ASAH2: variants seen among roughly 807,000 people sequenced by gnomAD.
The protein encoded by ASAH2 is neutral ceramidase.
Under a neutral mutation model 82.9 loss-of-function variants are expected in ASAH2, and 58 were observed. The observed-to-expected ratio is 0.70, with a 90% CI of 0.57 to 0.87. The LOEUF (loss-of-function observed/expected upper bound fraction) is 0.87, where lower values mean the gene tolerates loss of function less well. ASAH2 is among the 40% of genes least tolerant of loss of function. The pLI, the probability that ASAH2 is intolerant of heterozygous loss-of-function variation, is 0.00. For synonymous variants in ASAH2, 276 were observed against 289.7 expected (o/e 0.95, Z 0.48); for missense variants, 779 against 834.0 (o/e 0.93, Z 0.81).
At chr10:50,248,399 A>G in intron 2 of ASAH2, 85 bp downstream of exon 2, 2 of 1,507,924 alleles carry the variant, frequency 1.3e-6, no homozygotes, top group Non-Finnish European at 1.8e-6. Context: ...ATCAGCAGAC[A>G]CTGTTTTTCT....
intron 4 of ASAH2, 24 bp downstream of exon 4, chr10:50,243,178 C>G (rs1352979316): frequency 5.0e-6 from 8 of 1,611,488 alleles, no homozygotes; most frequent in Non-Finnish European, 6.8e-6. Flanking sequence ...TTTCTTCATT[C>G]ATTTCTCCTC....
chr10:50,224,274 TA>T (rs1390504823), intron 7 of ASAH2, among the ~76,000 whole-genome samples: 41 of 152,304 alleles, frequency 2.7e-4, no homozygotes, highest in Non-Finnish European at 1.9e-4. Context: ...AAATGTTCAC[TA>T]CAAGAATATT....
chr10:50,210,959 G>C (rs1188099680), intron 11 of ASAH2, 55 bp from the exon 12 acceptor site: 20 of 1,602,126 alleles, frequency 1.2e-5, no homozygotes, highest in Non-Finnish European at 1.7e-5. Context: ...AAGTTAAACT[G>C]AAAGTAAATA....
chr10:50,212,655 AG>A (rs1215958272), intron 10 of ASAH2, among the ~76,000 whole-genome samples: 8 of 152,178 alleles, frequency 5.3e-5, no homozygotes, highest in Non-Finnish European at 5.9e-5. Flanking sequence ...TAATGCCACA[AG>A]AAATTGAAAA....
chr10:50,215,192 T>C (rs1266392118), intron 8 of ASAH2, among the ~76,000 whole-genome samples: 2 of 152,250 alleles, frequency 1.3e-5, no homozygotes, highest in Non-Finnish European at 2.9e-5. Context: ...AGGGTTTTTA[T>C]GGTTTTGGGT....
Position 50,236,009 on chromosome 10 carries a change from A to T in ASAH2, c.566T>A (p.Ile189Asn). The T allele has an allele frequency of 6.2e-7, 1 of 1,613,252 alleles. No individual in the cohort carries two copies. The highest frequency in any genetic ancestry group is 8.5e-7 in the Non-Finnish European group (1 of 1,179,346). The change falls in exon 5 of 21, where the codon ATC (isoleucine) becomes AAC (asparagine). Residue 189 changes from isoleucine (I) to asparagine (N), a missense_variant. Ile to Asn is a moderately radical substitution (Grantham distance 149, BLOSUM62 -3). This residue lies in a region of ASAH2 where 759 missense variants were observed against 755.2 expected (regional missense o/e 1.00). Transcript: ENST00000682911. ...TGAATGAGTGTGAGTGCCACTCAGG[A>T]TGACATTATCTCTTCTGTACAGGGA... ...YGSLYRRDNV[I>N]LSGTHTHSGP...
chr10:50,202,728 C>A, intron 16 of ASAH2, 101 bp downstream of exon 16: 1 of 860,420 alleles, frequency 1.2e-6, no homozygotes, highest in Non-Finnish European at 2.0e-6. Context: ...AATCATCTCT[C>A]AGAAACATGA....
At chr10:50,205,105 G>A (rs1438459321) in intron 13 of ASAH2, 150 bp from the exon 14 acceptor site, 1 of 585,416 alleles carries the variant, frequency 1.7e-6, no homozygotes, top group South Asian at 2.7e-5. Context: ...GTCATAACAT[G>A]AGAATTTCAA....
rs61735432 is a variant in ASAH2 at position 50,199,108 on chromosome 10, C to T, written c.1800G>A (p.Pro600=). The T allele has an allele frequency of 1.4e-3, 2,296 of 1,613,254 alleles. 33 individuals are homozygous for T. In the African/African-American group the frequency reaches 0.027, roughly 19 times the overall value. The change falls in exon 17 of 21, where the codon CCG becomes CCA. Residue 600 remains proline (P), a synonymous_variant. Coordinates refer to ENST00000682911, the MANE Select transcript of ASAH2 (RefSeq NM_019893.4). ...RYEAASTIYG[P]HTLSAYIQLF... is the part of the protein sequence containing the mutation. Reference sequence around the variant, plus strand: ...GCTGAATGTAAGCAGATAATGTGTGCGGTCCATAAATTGTCGATGCTGCCT... The same window carrying T: ...GCTGAATGTAAGCAGATAATGTGTGTGGTCCATAAATTGTCGATGCTGCCT...
intron 15 of ASAH2, 61 bp from the exon 16 acceptor site, chr10:50,202,985 T>G: frequency 8.9e-7 from 1 of 1,120,388 alleles, no homozygotes; most frequent in Non-Finnish European, 1.4e-6. Context: ...ATTTTCATTC[T>G]GTTATCCTTA....
At chr10:50,240,612 T>G in intron 4 of ASAH2, 1 of 702,082 alleles carries the variant, frequency 1.4e-6, no homozygotes. Flanking sequence ...TAAACATATC[T>G]TCCAGATACA....
intron 17 of ASAH2, among the ~76,000 whole-genome samples, chr10:50,198,077 TA>T (rs1845035470): frequency 6.6e-6 from 1 of 152,106 alleles, no homozygotes; most frequent in Non-Finnish European, 1.5e-5. Flanking sequence ...ACACAATCAG[TA>T]ACTAATAATA....
intron 10 of ASAH2, among the ~76,000 whole-genome samples, chr10:50,212,236 T>C (rs1845475422): frequency 6.6e-6 from 1 of 151,134 alleles, no homozygotes; most frequent in Non-Finnish European, 1.5e-5. Context: ...GAATAAGCTA[T>C]GAAAAGAAAG....
At chr10:50,202,708 C>G (rs1364694573) in intron 16 of ASAH2, 121 bp downstream of exon 16, 1 of 769,262 alleles carries the variant, frequency 1.3e-6, no homozygotes, top group Non-Finnish European at 2.3e-6. Flanking sequence ...ACCTGTTATA[C>G]CTGAAACATA....
chr10:50,246,916 C>T (rs561899671), intron 2 of ASAH2, among the ~76,000 whole-genome samples: 14 of 152,216 alleles, frequency 9.2e-5, no homozygotes, highest in Admixed American at 2.6e-4. Context: ...TCAGGGTCTC[C>T]GTTTCCCCAA....
chr10:50,225,000 C>T (rs1475687898), intron 7 of ASAH2, among the ~76,000 whole-genome samples: 2 of 152,164 alleles, frequency 1.3e-5, no homozygotes, highest in African/African-American at 4.8e-5. Context: ...GACAAGCATC[C>T]TGCAGAATAT....
chr10:50,218,060 G>A (rs1845652374), intron 8 of ASAH2, among the ~76,000 whole-genome samples: 2 of 152,154 alleles, frequency 1.3e-5, no homozygotes, highest in Non-Finnish European at 2.9e-5. Context: ...GGAGGCAGAG[G>A]TTTCAATGAG....
At chr10:50,196,301 T>G (rs1844980749) in intron 18 of ASAH2, among the ~76,000 whole-genome samples, 1 of 152,000 alleles carries the variant, frequency 6.6e-6, no homozygotes, top group Admixed American at 6.6e-5. Context: ...TAAATAAGCT[T>G]ATTTTTATTC....
chr10:50,193,851 A>C (rs1844905901), intron 18 of ASAH2, among the ~76,000 whole-genome samples: 1 of 151,882 alleles, frequency 6.6e-6, no homozygotes, highest in Admixed American at 6.6e-5. Flanking sequence ...TATCATGAGC[A>C]ACAACAACTT....
Sources: allele counts gnomAD v4.1 joint callset (sites outside exome capture counted in the v4.1 genomes callset), GRCh38; gene constraint gnomAD v4.1.1; regional missense constraint gnomAD v4.1.1; transcripts MANE v1.5; gene names NCBI Gene and HGNC (gene_info 2026-07-23, HGNC 2026-07-21).